RAD54B: variants seen among roughly 807,000 people sequenced by gnomAD.
The protein encoded by RAD54B is RAD54 homolog B, also known as DNA repair and recombination protein RAD54B.
In RAD54B, 78 loss-of-function variants were observed where a neutral mutation model predicts 95.8. That is an observed-to-expected ratio of 0.81 (90% CI 0.68 to 0.98). RAD54B has a LOEUF of 0.98. Ranked by LOEUF, RAD54B falls within the 50% of genes least tolerant of loss-of-function variation. The pLI is 0.00. For missense variants in RAD54B, 957 were observed against 1,056.6 expected (o/e 0.91, Z 1.31); for synonymous variants, 328 against 354.9 (o/e 0.92, Z 0.85).
intron 1 of RAD54B, among the ~76,000 whole-genome samples, chr8:94,471,775 G>GT (rs1317055795): frequency 6.6e-6 from 1 of 151,708 alleles, no homozygotes; most frequent in African/African-American, 2.4e-5. Flanking sequence ...ATAGGGAAAA[G>GT]TATCATTAAT....
At chr8:94,429,533 A>T in intron 3 of RAD54B, 1 of 984,574 alleles carries the variant, frequency 1.0e-6, no homozygotes, top group African/African-American at 1.7e-5. Flanking sequence ...AGCATGCTGA[A>T]ACTGTAAAGT....
intron 3 of RAD54B, among the ~76,000 whole-genome samples, chr8:94,451,923 T>G (rs1812663964): frequency 6.6e-6 from 1 of 152,192 alleles, no homozygotes; most frequent in East Asian, 1.9e-4. Flanking sequence ...GTTGTCTTAG[T>G]CCATTCAGGC....
intron 4 of RAD54B, among the ~76,000 whole-genome samples, 164 bp from the exon 5 acceptor site, chr8:94,407,884 A>G (rs1811434373): frequency 6.6e-6 from 1 of 152,194 alleles, no homozygotes; most frequent in South Asian, 2.1e-4. Context: ...AACATTGAAA[A>G]TCAAAAGAAA....
rs375490384 is a variant in RAD54B, at chr8:94,470,546, G to T, written c.-16-2991C>A. Among the ~76,000 whole-genome samples the T allele has an allele frequency of 2.6e-5, 4 of 152,030 alleles. No individual in the cohort carries two copies. In the East Asian group the frequency reaches 7.7e-4, roughly 29 times the overall value. On this transcript the variant is annotated intron_variant, in intron 1 of 14. Coordinates refer to ENST00000336148, the MANE Select transcript of RAD54B (RefSeq NM_012415.3). ...GGAGGCAGAGGTTGTGGTGAGCCGA[G>T]ATAGCGCCACTGCACTCCAGCCTGG... is the stretch of plus-strand genomic sequence containing the variant.
At chr8:94,421,739 C>A (rs1285269830) in intron 3 of RAD54B, among the ~76,000 whole-genome samples, 2 of 152,184 alleles carry the variant, frequency 1.3e-5, no homozygotes, top group Non-Finnish European at 2.9e-5. Flanking sequence ...CTGCCCCCTA[C>A]CAGGTTTTCA....
chr8:94,383,959 G>GTAT (rs1228978771), intron 11 of RAD54B, among the ~76,000 whole-genome samples: 12 of 152,236 alleles, frequency 7.9e-5, no homozygotes, highest in African/African-American at 2.9e-4. Context: ...ATGAAAAACA[G>GTAT]TATGGCAGTA....
rs892802142 is a variant in RAD54B at position 94,475,073 on chromosome 8, G to T, written c.-89C>A. On this transcript the variant is annotated 5_prime_UTR_variant, in exon 1 of 15. Coordinates refer to ENST00000336148, the MANE Select transcript of RAD54B (RefSeq NM_012415.3). ...GGTAACCAGCTATCCCCTCGCCGCCGGAGAAGCTCAAGGATCCCGCCTCGG... is the reference window on the plus strand; with the variant it reads ...GGTAACCAGCTATCCCCTCGCCGCCTGAGAAGCTCAAGGATCCCGCCTCGG... 1 of 152,610 alleles carries T rather than the reference G, an allele frequency of 6.6e-6. No individual in the cohort carries two copies. The highest frequency in any genetic ancestry group is 1.9e-4 in the East Asian group (1 of 5,200). The allele number at this position is 152,610 out of a possible 1,614,324, so 9.5% of individuals were successfully genotyped here.
At chr8:94,458,865 T>TA (rs879799041) in intron 2 of RAD54B, among the ~76,000 whole-genome samples, 27 of 146,724 alleles carry the variant, frequency 1.8e-4, no homozygotes, top group South Asian at 2.1e-4. Flanking sequence ...AGACTCCATC[T>TA]AAAAAAAAAA....
Position 94,455,100 on chromosome 8 carries a change from CA to C in RAD54B, c.304+3167del, listed in dbSNP as rs576258364. ...ACTACCGAATTTATTTATTTACTTA[CA>C]AACTTTATTTACATACTTACTCGCA... On this transcript the variant is annotated intron_variant, in intron 3 of 14. Transcript: ENST00000336148. Among the ~76,000 whole-genome samples, 245 of 152,310 alleles carry C rather than the reference CA, an allele frequency of 1.6e-3. 3 individuals carry two copies. The highest frequency in any genetic ancestry group is 5.3e-3 in the African/African-American group (222 of 41,570).
rs1811257444 is a variant in RAD54B, at chr8:94,401,152, AC to A, written c.945-690del. On this transcript the variant is annotated intron_variant, in intron 6 of 14. Coordinates refer to ENST00000336148, the MANE Select transcript of RAD54B (RefSeq NM_012415.3). ...AAAGTCCAAGGGAATTAAGGATATTACCAAAATACATAAGTATACAGTTGAC... is the reference window on the plus strand; with the variant it reads ...AAAGTCCAAGGGAATTAAGGATATTACAAAATACATAAGTATACAGTTGAC... 2.0e-5 allele frequency among the ~76,000 whole-genome samples: 3 copies of A among 152,224 alleles called. No homozygotes were observed. The South Asian group carries it at 6.2e-4, about 32-fold the overall frequency.
chr8:94,383,853 A>G (rs1448632667), intron 11 of RAD54B, among the ~76,000 whole-genome samples: 5 of 152,220 alleles, frequency 3.3e-5, no homozygotes, highest in Non-Finnish European at 5.9e-5. Context: ...TAGGATGACT[A>G]TTATCAAAAA....
chr8:94,408,298 A>AAGTGTTACACAGCAACAC (rs1811443502), intron 4 of RAD54B, among the ~76,000 whole-genome samples: 1 of 152,178 alleles, frequency 6.6e-6, no homozygotes, highest in Admixed American at 6.5e-5. Context: ...ATGAACATTT[A>AAGTGTTACACAGCAACAC]TTAAGTGTTG....
intron 6 of RAD54B, 68 bp from the exon 7 acceptor site, chr8:94,400,531 GA>G: frequency 7.7e-7 from 1 of 1,299,820 alleles, no homozygotes; most frequent in Non-Finnish European, 1.1e-6. Flanking sequence ...AAATCATCAA[GA>G]ACCAGAAACT....
intron 14 of RAD54B, among the ~76,000 whole-genome samples, chr8:94,376,834 A>G (rs1269778777): frequency 6.6e-6 from 1 of 150,754 alleles, no homozygotes; most frequent in East Asian, 1.9e-4. Flanking sequence ...TATTGTACCT[A>G]AAGAGAAACA....
intron 3 of RAD54B, among the ~76,000 whole-genome samples, chr8:94,418,418 C>A (rs1811725482): frequency 6.6e-6 from 1 of 152,196 alleles, no homozygotes; most frequent in Admixed American, 6.5e-5. Flanking sequence ...ATTACACCTA[C>A]ATTAGCACAA....
chr8:94,435,169 C>T (rs1357368250), intron 3 of RAD54B, among the ~76,000 whole-genome samples: 1 of 151,940 alleles, frequency 6.6e-6, no homozygotes, highest in Non-Finnish European at 1.5e-5. Context: ...AATTTTACTG[C>T]GTAGTTTTCT....
intron 3 of RAD54B, among the ~76,000 whole-genome samples, chr8:94,424,735 G>T (rs2450550): frequency 6.6e-6 from 1 of 151,892 alleles, no homozygotes; most frequent in Non-Finnish European, 1.5e-5. Flanking sequence ...AAAAGTGGTC[G>T]GCATAAACAA....
intron 11 of RAD54B, among the ~76,000 whole-genome samples, chr8:94,385,763 G>A (rs1223516390): frequency 6.6e-6 from 1 of 152,158 alleles, no homozygotes; most frequent in African/African-American, 2.4e-5. Context: ...TTAACAAAGA[G>A]AAAAAGTTGG....
chr8:94,387,004 G>A lies in RAD54B; in HGVS notation c.1965C>T (p.His655=), dbSNP rs755545442. ...QVLSKLLAVI[H]ELRPTEKVVL... ...CTTACTTTTCAGTAGGTCGAAGTTC[G>A]TGGATAACCGCTAAGAGCTTGGACA... The change falls in exon 11 of 15, where the codon CAC becomes CAT. Residue 655 remains histidine, a synonymous_variant. Transcript: ENST00000336148. 7.5e-6 allele frequency: 12 copies of A among 1,599,428 alleles called. No homozygotes were observed. The highest frequency in any genetic ancestry group is 4.6e-5 in the South Asian group (4 of 87,252).
Sources: gnomAD v4.1 joint callset for allele counts (sites outside exome capture counted in the v4.1 genomes callset) on GRCh38, gnomAD v4.1.1 for gene constraint, MANE v1.5 for transcripts, NCBI Gene and HGNC (gene_info 2026-07-23, HGNC 2026-07-21) for gene names.